The following BFAR variants were observed in gnomAD, a reference collection of about 807,000 sequenced individuals.
BFAR encodes RING finger protein 47.
A neutral mutation model predicts 54.4 loss-of-function variants in BFAR; 52 were observed. The ratio of observed to expected loss-of-function variants is 0.96; its 90% confidence interval spans 0.77 to 1.21. The LOEUF is 1.21. Among genes scored for constraint, BFAR ranks in the 50% most tolerant of loss-of-function variants. BFAR has a pLI of 0.00. For missense variants in BFAR, 571 were observed against 534.0 expected (o/e 1.07, Z -0.68); for synonymous variants, 215 against 204.3 (o/e 1.05, Z -0.45).
Position 14,665,069 on chromosome 16 carries a change from G to A in BFAR, c.1158G>A (p.Leu386=), listed in dbSNP as rs756233779. Reference sequence around the variant, plus strand: ...GGAGAATCTGGTCGAGAAGTGAACTGAAGTAAGTATGTTTTAATGGTTGTC... The same window carrying A: ...GGAGAATCTGGTCGAGAAGTGAACTAAAGTAAGTATGTTTTAATGGTTGTC... ...SFWRIWSRSE[L]KTVPQRMWSH... is the part of the protein sequence containing the mutation. Residue 386 remains leucine, a splice_region_variant and synonymous_variant, in exon 7 of 8, where the codon CTG becomes CTA. Coordinates refer to ENST00000261658, the MANE Select transcript of BFAR (RefSeq NM_016561.3). The A allele has an allele frequency of 6.2e-7, 1 of 1,608,616 alleles. No homozygotes were observed.
intron 2 of BFAR, among the ~76,000 whole-genome samples, chr16:14,645,949 A>G (rs926738321): frequency 6.6e-6 from 1 of 151,986 alleles, no homozygotes; most frequent in African/African-American, 2.4e-5. Context: ...GCTCACTGCA[A>G]CCTCCACCTC....
At chr16:14,641,060 G>A (rs919969789) in intron 1 of BFAR, among the ~76,000 whole-genome samples, 2 of 152,194 alleles carry the variant, frequency 1.3e-5, no homozygotes, top group Admixed American at 1.3e-4. Flanking sequence ...TTGCTGTTTT[G>A]TAGATTTTTC....
chr16:14,660,446 C>A (rs564726197), intron 5 of BFAR, among the ~76,000 whole-genome samples: 57 of 151,992 alleles, frequency 3.8e-4, no homozygotes, highest in Admixed American at 2.0e-3. Context: ...GCCACCAAGC[C>A]TAGCTAATTT....
intron 1 of BFAR, among the ~76,000 whole-genome samples, chr16:14,641,604 G>A (rs1363321808): frequency 3.3e-5 from 5 of 150,524 alleles, no homozygotes; most frequent in African/African-American, 1.2e-4. Context: ...GCTCACGCCT[G>A]TAATCCCAGC....
chr16:14,634,909 T>C (rs1959385288), intron 1 of BFAR, among the ~76,000 whole-genome samples: 1 of 152,148 alleles, frequency 6.6e-6, no homozygotes, highest in Non-Finnish European at 1.5e-5. Flanking sequence ...GAAAGATTAA[T>C]TTGGGTGTTG....
chr16:14,658,799 C>G (rs1042729594), intron 5 of BFAR, among the ~76,000 whole-genome samples: 1 of 152,002 alleles, frequency 6.6e-6, no homozygotes. Flanking sequence ...GTAACTTCTT[C>G]TTCACTCCTG....
At chr16:14,649,706 T>G in intron 3 of BFAR, 98 bp from the exon 4 acceptor site, 6 of 1,124,548 alleles carry the variant, frequency 5.3e-6, no homozygotes, top group Admixed American at 2.3e-5. Flanking sequence ...TCATTCCCTG[T>G]GAGCTCAGCC....
In BFAR at chr16:14,669,173, G is replaced by T; in HGVS notation, c.*1346G>T. The stretch of plus-strand genomic sequence containing the variant: ...TGAGTGAAAATTTTACTCAAAAGTT[G>T]CATCTGGAAGTTCGAAGAAATTACT... On this transcript the variant is annotated 3_prime_UTR_variant, in exon 8 of 8. Transcript: ENST00000261658. 1 of 340,582 alleles carries T rather than the reference G, an allele frequency of 2.9e-6. No individual in the cohort carries two copies. The highest frequency in any genetic ancestry group is 4.0e-4 in the Middle Eastern group (1 of 2,492). 21.1% of individuals were successfully genotyped at this position (340,582 alleles called of 1,614,324 possible).
Position 14,654,956 on chromosome 16 carries a change from C to T in BFAR, c.639-110C>T, listed in dbSNP as rs552247963. ...TGATGTTGTTAAATGTGAAATGTCT[C>T]ACCATACCTCAAGCCTACAATATTT... is the stretch of plus-strand genomic sequence containing the variant. On this transcript the variant is annotated intron_variant, in intron 4 of 7. Transcript: ENST00000261658. 4.4e-5 allele frequency: 51 copies of T among 1,162,556 alleles called. No individual in the cohort carries two copies. The South Asian group carries it at 1.1e-3, about 24-fold the overall frequency. 72.0% of individuals were successfully genotyped at this position (1,162,556 alleles called of 1,614,324 possible). A position where few individuals can be genotyped will look rare whatever the true frequency, so the allele number is the denominator to read the frequency against.
intron 7 of BFAR, among the ~76,000 whole-genome samples, chr16:14,666,900 C>G (rs1960456687): frequency 6.6e-6 from 1 of 152,014 alleles, no homozygotes; most frequent in East Asian, 1.9e-4. Flanking sequence ...TACAGCCTAG[C>G]AAAGAAAATA....
chr16:14,660,975 A>G (rs1273016674), intron 5 of BFAR, among the ~76,000 whole-genome samples: 2 of 151,904 alleles, frequency 1.3e-5, no homozygotes, highest in African/African-American at 4.8e-5. Flanking sequence ...GCCTCAAGCA[A>G]TCCTCTTGCC....
At chr16:14,636,117 C>T (rs1472200913) in intron 1 of BFAR, among the ~76,000 whole-genome samples, 2 of 152,176 alleles carry the variant, frequency 1.3e-5, no homozygotes, top group East Asian at 3.8e-4. Flanking sequence ...AGGAATGGAC[C>T]TGGAGTGTCA....
chr16:14,645,257 A>G (rs746251606), intron 2 of BFAR, among the ~76,000 whole-genome samples: 2 of 151,948 alleles, frequency 1.3e-5, no homozygotes, highest in African/African-American at 4.8e-5. Flanking sequence ...CGAGGCTGCA[A>G]TGAGCTCACA....
In BFAR at chr16:14,667,716, C is replaced by T. The variant is rs1053690611; in HGVS notation, c.1242C>T (p.Ile414=). ...TTGTGGCCATGTTCTGGCCCCTCAT[C>T]CCTCAGTTTGTTTGCAACTGTTTGT... ...GLFVAMFWPL[I]PQFVCNCLFY... The change falls in exon 8 of 8, where the codon ATC becomes ATT. Residue 414 remains isoleucine, a synonymous_variant. Coordinates refer to ENST00000261658, the MANE Select transcript of BFAR (RefSeq NM_016561.3). 1.9e-6 allele frequency: 3 copies of T among 1,613,960 alleles called. No individual in the cohort carries two copies. Among genetic ancestry groups the T allele is most frequent in the Non-Finnish European group, 8.5e-7 (1 of 1,179,928 alleles).
chr16:14,667,601 G>A (rs372885375), intron 7 of BFAR, 34 bp from the exon 8 acceptor site: 24 of 1,589,938 alleles, frequency 1.5e-5, no homozygotes, highest in African/African-American at 1.2e-4. Flanking sequence ...CATGAGAAGC[G>A]CCTCCGATTC....
chr16:14,639,390 C>T (rs1456555441), intron 1 of BFAR, among the ~76,000 whole-genome samples: 1 of 152,128 alleles, frequency 6.6e-6, no homozygotes, highest in African/African-American at 2.4e-5. Flanking sequence ...TCACTGCATC[C>T]TCCACGTCCT....
chr16:14,656,633 A>G (rs1409193338), intron 5 of BFAR, among the ~76,000 whole-genome samples: 1 of 152,016 alleles, frequency 6.6e-6, no homozygotes, highest in East Asian at 1.9e-4. Context: ...TCATTGTGAG[A>G]CTCCAATGTT....
chr16:14,668,304 A>T lies in BFAR; in HGVS notation c.*477A>T, dbSNP rs886216072. ...AAGGATAAGATTCTGTCATAGGCAT[A>T]GAGAGTTGCACATAAAAAATACCGA... On this transcript the variant is annotated 3_prime_UTR_variant, in exon 8 of 8. Transcript: ENST00000261658. 5 of 159,138 alleles carry T rather than the reference A, an allele frequency of 3.1e-5. No homozygotes were observed. The highest frequency in any genetic ancestry group is 1.9e-4 in the Admixed American group (3 of 15,904). 9.9% of individuals were successfully genotyped at this position (159,138 alleles called of 1,614,324 possible).
At chr16:14,656,055 C>A (rs146933246) in intron 5 of BFAR, among the ~76,000 whole-genome samples, 152 of 152,136 alleles carry the variant, frequency 1.0e-3, no homozygotes, top group African/African-American at 3.3e-3. Context: ...ACTAAAATCA[C>A]AAAAATTAGC....
Sources: gnomAD v4.1 joint callset for allele counts (sites outside exome capture counted in the v4.1 genomes callset) on GRCh38, gnomAD v4.1.1 for gene constraint, MANE v1.5 for transcripts, NCBI Gene and HGNC (gene_info 2026-07-23, HGNC 2026-07-21) for gene names.